Variants in MYO1D observed in about 807,000 individuals in gnomAD.
MYO1D encodes the protein unconventional myosin-Id.
Under a neutral mutation model 122.0 loss-of-function variants are expected in MYO1D, and 83 were observed. The observed-to-expected ratio is 0.68, with a 90% CI of 0.57 to 0.82. MYO1D has a LOEUF of 0.82. MYO1D is among the 40% of genes least tolerant of loss of function. MYO1D has a pLI of 0.00. For synonymous variants in MYO1D, 464 were observed against 446.9 expected (o/e 1.04, Z -0.48); for missense variants, 1,157 against 1,269.5 (o/e 0.91, Z 1.35).
At chr17:32,642,234 T>G (rs565329031) in intron 19 of MYO1D, among the ~76,000 whole-genome samples, 12 of 152,252 alleles carry the variant, frequency 7.9e-5, no homozygotes, top group Non-Finnish European at 1.8e-4. Context: ...AAAGATCAGA[T>G]AGTTGTAGAT....
intron 21 of MYO1D, among the ~76,000 whole-genome samples, chr17:32,534,465 G>C (rs569503644): frequency 6.6e-6 from 1 of 152,092 alleles, no homozygotes; most frequent in Non-Finnish European, 1.5e-5. Flanking sequence ...GAGCCACTGC[G>C]CCCAGCTGGA....
At chr17:32,533,323 C>T (rs943411388) in intron 21 of MYO1D, among the ~76,000 whole-genome samples, 10 of 152,080 alleles carry the variant, frequency 6.6e-5, no homozygotes, top group Non-Finnish European at 1.5e-4. Flanking sequence ...AGCCTGAGGG[C>T]CCTCCATGAT....
chr17:32,860,391 G>A (rs1036833810), intron 1 of MYO1D, among the ~76,000 whole-genome samples: 4 of 152,188 alleles, frequency 2.6e-5, no homozygotes, highest in African/African-American at 9.7e-5. Context: ...CCCTCCAGGA[G>A]AGGTGTGATA....
At chr17:32,683,287 G>A (rs1428572996) in intron 16 of MYO1D, among the ~76,000 whole-genome samples, 1 of 152,154 alleles carries the variant, frequency 6.6e-6, no homozygotes, top group Admixed American at 6.5e-5. Flanking sequence ...TTCCGTTGCT[G>A]GTGAGGAACT....
At position 32,855,858 on chromosome 17, in the gene MYO1D, T is replaced by C. The variant is rs149656102; in HGVS notation, c.95+20920A>G. Among the ~76,000 whole-genome samples the C allele has an allele frequency of 2.7e-4, 41 of 152,362 alleles. No homozygotes were observed. The East Asian group carries it at 7.9e-3, about 29-fold the overall frequency. ...CAGCACAGGGCTCTTTGGATGAGGT[T>C]GTCTGAAGCACTAACTCATGGATCC... On this transcript the variant is annotated intron_variant, in intron 1 of 21. Coordinates refer to ENST00000318217, the MANE Select transcript of MYO1D (RefSeq NM_015194.3).
intron 21 of MYO1D, among the ~76,000 whole-genome samples, chr17:32,559,940 C>T (rs150922256): frequency 2.6e-5 from 4 of 152,152 alleles, no homozygotes; most frequent in African/African-American, 9.7e-5. Flanking sequence ...CAGTAGTTAT[C>T]CTATAGAAAC....
At chr17:32,682,508 T>A (rs1461128613) in intron 16 of MYO1D, among the ~76,000 whole-genome samples, 1 of 151,626 alleles carries the variant, frequency 6.6e-6, no homozygotes. Context: ...CCTTCACTTA[T>A]GAAGCTTAGT....
intron 1 of MYO1D, among the ~76,000 whole-genome samples, chr17:32,805,397 C>T (rs2090501931): frequency 6.6e-6 from 1 of 152,140 alleles, no homozygotes; most frequent in African/African-American, 2.4e-5. Flanking sequence ...TTATGGACTC[C>T]TTTGTCTCCA....
At chr17:32,763,827 G>C (rs190080006) in intron 8 of MYO1D, among the ~76,000 whole-genome samples, 1 of 152,208 alleles carries the variant, frequency 6.6e-6, no homozygotes, top group Non-Finnish European at 1.5e-5. Context: ...GGCTGAGACA[G>C]GAGAATCACT....
chr17:32,559,079 G>A (rs780060551), intron 21 of MYO1D, among the ~76,000 whole-genome samples: 3 of 152,194 alleles, frequency 2.0e-5, no homozygotes, highest in Non-Finnish European at 2.9e-5. Flanking sequence ...ATCTCAGAAC[G>A]TGTGCTTGTG....
chr17:32,503,902 A>C (rs941254932), intron 21 of MYO1D, among the ~76,000 whole-genome samples: 1 of 152,194 alleles, frequency 6.6e-6, no homozygotes, highest in Non-Finnish European at 1.5e-5. Context: ...ATCTTGCTTT[A>C]GGAAATGCCA....
rs574373012 is a variant in MYO1D, at chr17:32,533,118, A to G, written c.2865-38203T>C. On this transcript the variant is annotated intron_variant, in intron 21 of 21. Transcript: ENST00000318217. ...CTTCTTCCATTCGCAGGACTTCTCT[A>G]TATATTTTTTAGATCTATGGCAAAA... Among the ~76,000 whole-genome samples the G allele has an allele frequency of 1.2e-4, 18 of 152,244 alleles. 2 individuals carry two copies. In the South Asian group the frequency reaches 3.5e-3, roughly 30 times the overall value.
intron 1 of MYO1D, among the ~76,000 whole-genome samples, chr17:32,794,912 C>A (rs982162412): frequency 1.3e-5 from 2 of 152,046 alleles, no homozygotes; most frequent in African/African-American, 4.8e-5. Flanking sequence ...GGAAGCACTA[C>A]GCTGGTCTCA....
intron 15 of MYO1D, among the ~76,000 whole-genome samples, chr17:32,712,579 A>G (rs2089392503): frequency 6.6e-6 from 1 of 152,224 alleles, no homozygotes; most frequent in Admixed American, 6.5e-5. Flanking sequence ...AGACCAAGAC[A>G]TAATTGGTAA....
intron 1 of MYO1D, among the ~76,000 whole-genome samples, chr17:32,836,897 G>A (rs982343968): frequency 6.6e-6 from 1 of 152,218 alleles, no homozygotes; most frequent in Non-Finnish European, 1.5e-5. Context: ...CTTCTCCTGA[G>A]TATATACCTA....
chr17:32,776,157 T>A, intron 3 of MYO1D, 128 bp from the exon 4 acceptor site: 2 of 759,390 alleles, frequency 2.6e-6, no homozygotes, highest in Non-Finnish European at 4.0e-6. Context: ...GTTTGCAATA[T>A]CAAAAAAAAA....
intron 19 of MYO1D, among the ~76,000 whole-genome samples, chr17:32,646,571 GTTACATAA>G: frequency 6.6e-6 from 1 of 152,158 alleles, no homozygotes; most frequent in East Asian, 1.9e-4. Context: ...TAAAAAACCT[GTTACATAA>G]TTTCATAAGG....
At chr17:32,686,007 G>A (rs56029121) in intron 16 of MYO1D, among the ~76,000 whole-genome samples, 2 of 152,176 alleles carry the variant, frequency 1.3e-5, no homozygotes, top group African/African-American at 4.8e-5. Context: ...TTAGAGTGAT[G>A]TGGTAGGCTG....
intron 16 of MYO1D, among the ~76,000 whole-genome samples, chr17:32,691,900 C>T (rs529913284): frequency 3.9e-5 from 6 of 152,254 alleles, no homozygotes; most frequent in Admixed American, 2.6e-4. Flanking sequence ...CTTAGCAACA[C>T]TGTGTATGAT....
Sources: allele counts gnomAD v4.1 joint callset (sites outside exome capture counted in the v4.1 genomes callset), GRCh38; gene constraint gnomAD v4.1.1; transcripts MANE v1.5; gene names NCBI Gene and HGNC (gene_info 2026-07-23, HGNC 2026-07-21).